The following WIPF2 variants were observed in gnomAD, a reference collection of about 807,000 sequenced individuals.
WIPF2 encodes WAS/WASL-interacting protein family member 2.
In WIPF2, 23 loss-of-function variants were observed where a neutral mutation model predicts 38.8. The observed-to-expected ratio is 0.59, with a 90% CI of 0.43 to 0.84. WIPF2 has a LOEUF of 0.84. Ranked by LOEUF, WIPF2 falls within the 40% of genes least tolerant of loss-of-function variation. The pLI is 0.00. For missense variants in WIPF2, 574 were observed against 580.5 expected, an observed-to-expected ratio of 0.99 and a Z score of 0.11; for synonymous variants, 210 against 223.2, an observed-to-expected ratio of 0.94 and a Z score of 0.53.
chr17:40,233,430 A>T (rs1025504444), intron 1 of WIPF2, among the ~76,000 whole-genome samples: 8 of 150,686 alleles, frequency 5.3e-5, no homozygotes, highest in African/African-American at 2.0e-4. Context: ...CACTTTTGCA[A>T]TTTTTTTTCC....
chr17:40,273,942 C>T lies in WIPF2; in HGVS notation c.1123C>T (p.Pro375Ser), dbSNP rs758900594. ...GCCAGCTGGGCCACCCCCTCCTCCT[C>T]CACCGCCCCTGAGGAATGGCCACAG... ...RTPAGPPPPPPPPLRNGHRDS... is the reference protein window; with the variant it reads ...RTPAGPPPPPSPPLRNGHRDS... Residue 375 changes from proline to serine, a missense_variant, in exon 6 of 8, where the codon CCA (proline) becomes TCA (serine). By Grantham distance (74) the Pro-to-Ser change is moderately conservative. Transcript: ENST00000323571. 1 of 1,592,024 alleles carries T rather than the reference C, an allele frequency of 6.3e-7. No individual in the cohort carries two copies. The highest frequency in any genetic ancestry group is 1.1e-5 in the South Asian group (1 of 88,504).
chr17:40,280,181 C>G lies in WIPF2; in HGVS notation c.*1956C>G, dbSNP rs2032514807. The G allele has an allele frequency of 6.6e-6, 1 of 152,158 alleles. No individual in the cohort carries two copies. Among genetic ancestry groups the G allele is most frequent in the Admixed American group, 6.6e-5 (1 of 15,264 alleles). The allele number at this position is 152,158 out of a possible 1,614,324, so 9.4% of individuals were successfully genotyped here. The stretch of plus-strand genomic sequence containing the variant: ...AGTATCCCTAGCATCCTGAAGCAAA[C>G]AGAACTGCCGGGCGCTGTGGCTTAT... On this transcript the variant is annotated 3_prime_UTR_variant, in exon 8 of 8. Transcript: ENST00000323571.
At chr17:40,263,401 T>C (rs1308054885) in intron 4 of WIPF2, among the ~76,000 whole-genome samples, 1 of 152,172 alleles carries the variant, frequency 6.6e-6, no homozygotes, top group African/African-American at 2.4e-5. Flanking sequence ...GCTTGCTCGC[T>C]CACCTTCTGT....
At chr17:40,224,107 A>G (rs370570959) in intron 1 of WIPF2, among the ~76,000 whole-genome samples, 31 of 151,490 alleles carry the variant, frequency 2.0e-4, no homozygotes, top group East Asian at 5.8e-4. Context: ...ATATTATGCT[A>G]TTGCAACCTA....
chr17:40,246,862 C>G (rs1346745764), intron 1 of WIPF2, among the ~76,000 whole-genome samples: 1 of 151,936 alleles, frequency 6.6e-6, no homozygotes, highest in Non-Finnish European at 1.5e-5. Flanking sequence ...CCTGTAATCC[C>G]AGACTTTGGG....
chr17:40,224,602 C>T (rs529183429), intron 1 of WIPF2, among the ~76,000 whole-genome samples: 4 of 151,652 alleles, frequency 2.6e-5, no homozygotes, highest in Admixed American at 6.6e-5. Flanking sequence ...CACAGTTTTC[C>T]GTTGCTCTGC....
Position 40,219,389 on chromosome 17 carries a change from C to T in WIPF2, c.-173C>T, listed in dbSNP as rs2030064443. On this transcript the variant is annotated 5_prime_UTR_variant, in exon 1 of 8. Coordinates refer to ENST00000323571, the MANE Select transcript of WIPF2 (RefSeq NM_133264.5). ...GCGGTGGCGGCGGCGGCGGCGGCGG[C>T]GGCGGCGGCGACGGCGAGAAAGAGC... 1 of 414,282 alleles carries T rather than the reference C, an allele frequency of 2.4e-6. No homozygotes were observed. Among genetic ancestry groups the T allele is most frequent in the South Asian group, 2.2e-5 (1 of 45,230 alleles). 25.7% of individuals were successfully genotyped at this position (414,282 alleles called of 1,614,324 possible).
chr17:40,283,556 T>G lies in WIPF2; in HGVS notation c.*5331T>G, dbSNP rs2032597302. ...GCCACCGCACCCAGCCAGTCCTTAT[T>G]TTATATTTCCACCTAACTCCCCTTT... On this transcript the variant is annotated 3_prime_UTR_variant, in exon 8 of 8. Coordinates refer to ENST00000323571, the MANE Select transcript of WIPF2 (RefSeq NM_133264.5). 1 of 152,154 alleles carries G rather than the reference T, an allele frequency of 6.6e-6. No homozygotes were observed. Among genetic ancestry groups the G allele is most frequent in the Admixed American group, 6.6e-5 (1 of 15,260 alleles). 9.4% of individuals were successfully genotyped at this position (152,154 alleles called of 1,614,324 possible). A position where few individuals can be genotyped will look rare whatever the true frequency, so the allele number is the denominator to read the frequency against.
At chr17:40,256,861 C>T (rs2031744928) in intron 2 of WIPF2, among the ~76,000 whole-genome samples, 2 of 152,154 alleles carry the variant, frequency 1.3e-5, no homozygotes, top group Admixed American at 1.3e-4. Flanking sequence ...TCCTGGTTCA[C>T]TCTAAATGGA....
rs2032585459 is a variant in WIPF2, at chr17:40,283,097, A to G, written c.*4872A>G. ...GCTACTCGGGAGGCCGAGGCAGGAA[A>G]ATCACTTGAACCCAGGAGGCGGAGG... On this transcript the variant is annotated 3_prime_UTR_variant, in exon 8 of 8. Coordinates refer to ENST00000323571, the MANE Select transcript of WIPF2 (RefSeq NM_133264.5). 1 of 143,878 alleles carries G rather than the reference A, an allele frequency of 7.0e-6. No homozygotes were observed. Among genetic ancestry groups the G allele is most frequent in the Non-Finnish European group, 1.5e-5 (1 of 66,782 alleles). The allele number at this position is 143,878 out of a possible 1,614,324, so 8.9% of individuals were successfully genotyped here.
chr17:40,235,109 G>A (rs530267903), intron 1 of WIPF2, among the ~76,000 whole-genome samples: 75 of 151,416 alleles, frequency 5.0e-4, no homozygotes, highest in African/African-American at 1.7e-3. Flanking sequence ...TAGTAGAGGC[G>A]GGGTTTCACC....
chr17:40,221,240 G>A (rs2030223231), intron 1 of WIPF2, among the ~76,000 whole-genome samples: 1 of 152,068 alleles, frequency 6.6e-6, no homozygotes, highest in Non-Finnish European at 1.5e-5. Context: ...TTACAAATCA[G>A]AAGAGAACCA....
rs182062283 is a variant in WIPF2, at chr17:40,277,201, G to T, written c.1282+17G>T. The T allele has an allele frequency of 1.3e-4, 213 of 1,578,946 alleles. No homozygotes were observed. Among genetic ancestry groups the T allele is most frequent in the Admixed American group, 2.2e-4 (12 of 55,096 alleles). On this transcript the variant is annotated intron_variant, in intron 7 of 7. Coordinates refer to ENST00000323571, the MANE Select transcript of WIPF2 (RefSeq NM_133264.5). Reference sequence around the variant, plus strand: ...CAAACCGAGGTGAGAATAATAATAAGAAGGTTTTTCCATAATTGCATAGAA... The same window carrying T: ...CAAACCGAGGTGAGAATAATAATAATAAGGTTTTTCCATAATTGCATAGAA...
At chr17:40,262,893 A>G (rs1461635691) in intron 4 of WIPF2, among the ~76,000 whole-genome samples, 1 of 152,242 alleles carries the variant, frequency 6.6e-6, no homozygotes, top group African/African-American at 2.4e-5. Context: ...AACTTCTGTC[A>G]TTTCTGATAA....
intron 5 of WIPF2, among the ~76,000 whole-genome samples, chr17:40,266,999 G>T (rs2032109095): frequency 1.3e-5 from 2 of 152,148 alleles, no homozygotes; most frequent in Admixed American, 1.3e-4. Flanking sequence ...GAAAGCAAGA[G>T]CATCAGCTGT....
chr17:40,250,792 C>T (rs1040444784), intron 1 of WIPF2, among the ~76,000 whole-genome samples: 2 of 151,918 alleles, frequency 1.3e-5, no homozygotes, highest in Admixed American at 6.6e-5. Flanking sequence ...CTTAGCTGCA[C>T]GTGGTGGTGC....
At chr17:40,233,203 T>C (rs1743596721) in intron 1 of WIPF2, among the ~76,000 whole-genome samples, 1 of 152,208 alleles carries the variant, frequency 6.6e-6, no homozygotes, top group South Asian at 2.1e-4. Flanking sequence ...TCTATTCTCC[T>C]TAACTGCATT....
intron 5 of WIPF2, among the ~76,000 whole-genome samples, chr17:40,270,552 C>T (rs1373889377): frequency 6.6e-6 from 1 of 152,024 alleles, no homozygotes; most frequent in South Asian, 2.1e-4. Flanking sequence ...TAGCTGGTGT[C>T]GGTGTCCTTG....
intron 1 of WIPF2, among the ~76,000 whole-genome samples, chr17:40,222,287 C>G (rs895111892): frequency 2.0e-5 from 3 of 151,656 alleles, no homozygotes; most frequent in Non-Finnish European, 2.9e-5. Flanking sequence ...CTCCTGACCT[C>G]GTGATCTGCC....
Sources: allele counts gnomAD v4.1 joint callset (sites outside exome capture counted in the v4.1 genomes callset), GRCh38; gene constraint gnomAD v4.1.1; transcripts MANE v1.5; gene names NCBI Gene and HGNC (gene_info 2026-07-23, HGNC 2026-07-21).